Variants in IQSEC1 observed in about 807,000 individuals in gnomAD.
The protein encoded by IQSEC1 is IQ motif and Sec7 domain ArfGEF 1, also known as IQ motif and SEC7 domain-containing protein 1.
In IQSEC1, 31 loss-of-function variants were observed where a neutral mutation model predicts 91.0. The ratio of observed to expected loss-of-function variants is 0.34; its 90% CI spans 0.26 to 0.46. IQSEC1 has a LOEUF of 0.46. Among genes scored for constraint, IQSEC1 ranks in the 20% least tolerant of loss-of-function variants. The pLI is 1.00. For synonymous variants in IQSEC1, 699 were observed against 662.6 expected, an observed-to-expected ratio of 1.05 and a Z score of -0.84; for missense variants, 1,388 against 1,575.6, an observed-to-expected ratio of 0.88 and a Z score of 2.02.
chr3:13,046,218 G>C (rs923862381), intron 1 of IQSEC1, among the ~76,000 whole-genome samples: 1 of 152,248 alleles, frequency 6.6e-6, no homozygotes, highest in African/African-American at 2.4e-5. Context: ...CATAAGGGCT[G>C]TCAGCTTTCA....
At chr3:13,168,460 G>A (rs185509694) in intron 1 of IQSEC1, among the ~76,000 whole-genome samples, 110 of 152,094 alleles carry the variant, frequency 7.2e-4, no homozygotes, top group African/African-American at 2.6e-3. Context: ...ACATCTCAGG[G>A]GCCTCATCCA....
At position 13,255,282 on chromosome 3, in the gene IQSEC1, C is replaced by G. The variant is rs183514541; in HGVS notation, c.272+27429G>C. On this transcript the variant is annotated intron_variant, in intron 1 of 15. Transcript: ENST00000648114. ...GGCTTCGGTGCTGCAGCCAGGGGTT[C>G]CTGAGGACGGCTCTGCCTTGTGAGA... Among the ~76,000 whole-genome samples, 225 of 152,274 alleles carry G rather than the reference C, an allele frequency of 1.5e-3. 2 individuals are homozygous for G. The highest frequency in any genetic ancestry group is 0.01 in the Middle Eastern group (3 of 294).
intron 1 of IQSEC1, among the ~76,000 whole-genome samples, chr3:13,198,569 C>T (rs1401064077): frequency 1.3e-5 from 2 of 152,110 alleles, no homozygotes; most frequent in Non-Finnish European, 2.9e-5. Context: ...CTCTGGGTGG[C>T]ACAGGGAAAT....
intron 1 of IQSEC1, among the ~76,000 whole-genome samples, chr3:13,264,986 T>C (rs1406718098): frequency 6.6e-6 from 1 of 152,086 alleles, no homozygotes; most frequent in Non-Finnish European, 1.5e-5. Flanking sequence ...CTCAGCAGCA[T>C]GGCTGAGGGC....
At chr3:13,091,077 C>G (rs1323948463) in intron 2 of IQSEC1, among the ~76,000 whole-genome samples, 1 of 152,190 alleles carries the variant, frequency 6.6e-6, no homozygotes, top group Non-Finnish European at 1.5e-5. Context: ...TCGGTTTCTA[C>G]GGCCTTCTCC....
chr3:13,278,727 G>C lies in IQSEC1; in HGVS notation c.272+3984C>G, dbSNP rs371994537. ...CCAGCTACTCAGGAGGCTGAGGCAG[G>C]AGAATTGCTTGAACCTGGGAGGCGG... On this transcript the variant is annotated intron_variant, in intron 1 of 15. Transcript: ENST00000648114. Among the ~76,000 whole-genome samples, 40 of 151,810 alleles carry C rather than the reference G, an allele frequency of 2.6e-4. 3 individuals are homozygous for C. Among genetic ancestry groups the C allele is most frequent in the Admixed American group, 1.2e-3 (19 of 15,268 alleles).
intron 1 of IQSEC1, among the ~76,000 whole-genome samples, chr3:12,990,991 C>G (rs1701961936): frequency 6.6e-6 from 1 of 152,056 alleles, no homozygotes; most frequent in Non-Finnish European, 1.5e-5. Flanking sequence ...AGTCACAGTT[C>G]TCTAAGTCAC....
chr3:13,276,080 C>CTTTTTTTTTTTTTTTTTT lies in IQSEC1; in HGVS notation c.272+6613_272+6630dup, dbSNP rs796663192. 1.4e-4 allele frequency among the ~76,000 whole-genome samples: 11 copies of CTTTTTTTTTTTTTTTTTT among 79,524 alleles called. 2 individuals are homozygous for CTTTTTTTTTTTTTTTTTT. Among genetic ancestry groups the CTTTTTTTTTTTTTTTTTT allele is most frequent in the African/African-American group, 4.6e-4 (11 of 24,150 alleles). The allele number at this position is 79,524 out of a possible 152,430, so 52.2% of individuals were successfully genotyped here. Reference sequence around the variant, plus strand: ...AGGGAAAACAATCCTCAAAAGCATTCTTTTTTTTTTTTTTTTTTTTTTTTT... The same window carrying CTTTTTTTTTTTTTTTTTT: ...AGGGAAAACAATCCTCAAAAGCATTCTTTTTTTTTTTTTTTTTTTTTTTTTTTTTTTTTTTTTTTTTTT... On this transcript the variant is annotated intron_variant, in intron 1 of 15. Transcript: ENST00000648114.
chr3:12,901,468 ACT>A lies in IQSEC1; in HGVS notation c.2858_2859del (p.Glu953ValfsTer239). On this transcript the variant is annotated frameshift_variant, in exon 14 of 14. Transcript: ENST00000613206. LOFTEE classifies it low-confidence loss of function (END_TRUNC). The stretch of plus-strand genomic sequence containing the variant: ...ATAGTCTGGTGTGGGCGAGATGGAC[ACT>A]CTCGTGTTGATGTAGCTCTCCGGCG... ...HMRRRATSTR[E>X]CPSRPHQTMP... 5.2e-6 allele frequency: 8 copies of A among 1,549,374 alleles called. No individual in the cohort carries two copies. Among genetic ancestry groups the A allele is most frequent in the Non-Finnish European group, 7.0e-6 (8 of 1,146,774 alleles).
chr3:12,914,792 C>A (rs1039441292), intron 8 of IQSEC1, among the ~76,000 whole-genome samples: 13 of 152,042 alleles, frequency 8.6e-5, no homozygotes, highest in Admixed American at 8.5e-4. Flanking sequence ...GAGCACAGAG[C>A]AGGGCCAGGT....
At position 12,967,297 on chromosome 3, in the gene IQSEC1, A is replaced by ACCCGCACT; in HGVS notation, c.24-25440_24-25433dup. On this transcript the variant is annotated intron_variant, in intron 1 of 13. Coordinates refer to ENST00000613206, the MANE Select transcript of IQSEC1 (RefSeq NM_001134382.3). The surrounding 1 kb of genome is among the most constrained non-coding windows in gnomAD (Gnocchi z 5.9). ...CGCCGGGCGCCCGGTCCCGACGGTC[A>ACCCGCACT]CCCGCACTCCCGCACAGGCATCCCC... 8.6e-7 allele frequency: 1 copy of ACCCGCACT among 1,169,294 alleles called. No homozygotes were observed. Among genetic ancestry groups the ACCCGCACT allele is most frequent in the Non-Finnish European group, 1.2e-6 (1 of 848,266 alleles). The allele number at this position is 1,169,294 out of a possible 1,614,324, so 72.4% of individuals were successfully genotyped here.
intron 2 of IQSEC1, among the ~76,000 whole-genome samples, chr3:13,079,293 G>A (rs1035639182): frequency 3.3e-5 from 5 of 152,250 alleles, no homozygotes; most frequent in Admixed American, 2.0e-4. Context: ...TCCTGCATCC[G>A]TAAGTGCTGA....
At position 13,088,966 on chromosome 3, in the gene IQSEC1, CA is replaced by C. The variant is rs1242301933; in HGVS notation, c.303-41445del. Among the ~76,000 whole-genome samples, 5 of 152,382 alleles carry C rather than the reference CA, an allele frequency of 3.3e-5. No individual in the cohort carries two copies. The East Asian group carries it at 9.6e-4, about 29-fold the overall frequency. ...CAGGAGAAGGGCTGGACAGAGACAGCAGCAGTGGGAGCCCCTCTGGGGGTCC... is the reference window on the plus strand; with the variant it reads ...CAGGAGAAGGGCTGGACAGAGACAGCGCAGTGGGAGCCCCTCTGGGGGTCC... On this transcript the variant is annotated intron_variant, in intron 2 of 15. Coordinates refer to the IQSEC1 transcript ENST00000648114.
At chr3:13,053,176 G>C in intron 1 of IQSEC1, 3 of 737,422 alleles carry the variant, frequency 4.1e-6, no homozygotes, top group Non-Finnish European at 7.5e-6. Flanking sequence ...GAAGAGAGGG[G>C]ACTGGCTGTG....
intron 6 of IQSEC1, 32 bp downstream of exon 6, chr3:12,920,398 C>G: frequency 6.2e-7 from 1 of 1,608,054 alleles, no homozygotes; most frequent in Non-Finnish European, 8.5e-7. Context: ...TGGAGCAAAT[C>G]TGTGGCTGGC....
intron 1 of IQSEC1, among the ~76,000 whole-genome samples, chr3:13,235,052 G>A (rs1015363822): frequency 2.0e-5 from 3 of 152,198 alleles, no homozygotes; most frequent in Admixed American, 6.5e-5. Context: ...GGGGTCTAGC[G>A]AGGTGGGCTG....
At position 12,900,470 on chromosome 3, in the gene IQSEC1, TATATATTTA is replaced by T. The variant is rs1694133886; in HGVS notation, c.*504_*512del. 5 of 676,544 alleles carry T rather than the reference TATATATTTA, an allele frequency of 7.4e-6. No individual in the cohort carries two copies. The highest frequency in any genetic ancestry group is 7.3e-6 in the Non-Finnish European group (4 of 550,924). The allele number at this position is 676,544 out of a possible 1,614,324, so 41.9% of individuals were successfully genotyped here. On this transcript the variant is annotated 3_prime_UTR_variant, in exon 14 of 14. Coordinates refer to ENST00000613206, the MANE Select transcript of IQSEC1 (RefSeq NM_001134382.3). ...TATACAGTATATATATATATATATT[TATATATTTA>T]TATATTTATATAAAGTTTACTTACG...
chr3:12,936,778 G>A, intron 2 of IQSEC1, 81 bp from the exon 3 acceptor site: 1 of 1,366,520 alleles, frequency 7.3e-7, no homozygotes, highest in Non-Finnish European at 9.8e-7. Flanking sequence ...CCACTTCCTA[G>A]CCACGTGGCT....
rs758268841 is a variant in IQSEC1, at chr3:12,902,792, G to A, written c.2786C>T (p.Ser929Leu). ...GKRGRRSSAG[S>L]LESNVEGSII... Reference sequence around the variant, plus strand: ...ACTTACTTCCACATTGCTCTCTAGCGATCCCGCACTGCTGCGACGCCCTCG... The same window carrying A: ...ACTTACTTCCACATTGCTCTCTAGCAATCCCGCACTGCTGCGACGCCCTCG... Residue 929 changes from serine (S) to leucine (L), a missense_variant, in exon 13 of 14, where the codon TCG becomes TTG. Around this residue, in one of 2 missense-constraint regions of IQSEC1, gnomAD observed 1,059 missense variants for 1,317.8 expected, o/e 0.80. Coordinates refer to ENST00000613206, the MANE Select transcript of IQSEC1 (RefSeq NM_001134382.3). 1.9e-6 allele frequency: 3 copies of A among 1,611,298 alleles called. No homozygotes were observed. Among genetic ancestry groups the A allele is most frequent in the Admixed American group, 1.7e-5 (1 of 59,866 alleles).
Sources: gnomAD v4.1 joint callset for allele counts (sites outside exome capture counted in the v4.1 genomes callset) on GRCh38, gnomAD v4.1.1 for gene constraint, gnomAD v4.1.1 regional missense constraint, Gnocchi (gnomAD v3.1) non-coding constraint, MANE v1.5 for transcripts, NCBI Gene and HGNC (gene_info 2026-07-23, HGNC 2026-07-21) for gene names.